ANO4: variants seen among roughly 807,000 people sequenced by gnomAD.
The protein encoded by ANO4 is anoctamin-4.
ANO4 carries 69 observed loss-of-function variants against 141.9 expected under a neutral mutation model. The ratio of observed to expected loss-of-function variants is 0.49; its 90% CI spans 0.40 to 0.59. The LOEUF (loss-of-function observed/expected upper bound fraction) is 0.59, where lower values mean the gene tolerates loss of function less well. ANO4 is among the 20% of genes least tolerant of loss of function. ANO4 has a pLI of 0.00. For synonymous variants in ANO4, 350 were observed against 394.3 expected, an observed-to-expected ratio of 0.89 and a Z score of 1.33; for missense variants, 894 against 1,162.2, an observed-to-expected ratio of 0.77 and a Z score of 3.36.
chr12:100,746,357 G>T (rs530272531), intron 3 of ANO4, among the ~76,000 whole-genome samples: 1 of 151,750 alleles, frequency 6.6e-6, no homozygotes, highest in Non-Finnish European at 1.5e-5. Context: ...GGAAATTGAG[G>T]CATAAGAATT....
chr12:100,963,506 CTGTGTGTGTGTGTGTA>C (rs1368795423), intron 5 of ANO4, among the ~76,000 whole-genome samples: 3 of 150,598 alleles, frequency 2.0e-5, no homozygotes, highest in Admixed American at 2.0e-4. Context: ...GTGTGTGTGT[CTGTGTGTGTGTGTGTA>C]TGTGTTGCAG....
rs1304702062 is a variant in ANO4, at chr12:101,083,816, A to G, written c.1534A>G (p.Met512Val). ...LIVSASGIFF[M>V]ICVVIAAVFG... ...CGTTTCTGCATCTGGAATATTTTTTATGGTTTGAAACTTTTAAAAAAATAT... is the reference window on the plus strand; with the variant it reads ...CGTTTCTGCATCTGGAATATTTTTTGTGGTTTGAAACTTTTAAAAAAATAT... Residue 512 changes from methionine to valine, a missense_variant and splice_region_variant, in exon 16 of 28, where the codon ATG (methionine) becomes GTG (valine). Physicochemically the swap from Met to Val is conservative, Grantham distance 21 (BLOSUM62 1). Transcript: ENST00000392977. 2 of 1,558,484 alleles carry G rather than the reference A, an allele frequency of 1.3e-6. No homozygotes were observed. The highest frequency in any genetic ancestry group is 1.7e-6 in the Non-Finnish European group (2 of 1,162,766).
At chr12:101,052,183 G>C (rs980848162) in intron 14 of ANO4, among the ~76,000 whole-genome samples, 3 of 152,126 alleles carry the variant, frequency 2.0e-5, no homozygotes, top group African/African-American at 7.2e-5. Context: ...CCTTGGCATT[G>C]GGTTAGGAAT....
At chr12:101,115,882 A>G (rs1286309454) in intron 24 of ANO4, among the ~76,000 whole-genome samples, 1 of 152,186 alleles carries the variant, frequency 6.6e-6, no homozygotes. Flanking sequence ...CCTACACTGC[A>G]CAAGACTGTC....
intron 1 of ANO4, among the ~76,000 whole-genome samples, chr12:100,866,266 T>C (rs1368139466): frequency 6.6e-6 from 1 of 152,186 alleles, no homozygotes; most frequent in Non-Finnish European, 1.5e-5. Flanking sequence ...ACTTTAATCA[T>C]ACTGCCTCTT....
chr12:101,090,244 C>T (rs1367768544), intron 17 of ANO4, among the ~76,000 whole-genome samples: 2 of 152,228 alleles, frequency 1.3e-5, no homozygotes, highest in Non-Finnish European at 2.9e-5. Flanking sequence ...CATCCCATTA[C>T]TGGGCATATA....
intron 1 of ANO4, among the ~76,000 whole-genome samples, chr12:100,806,524 GTTTTTTTTTTTTTTTT>G (rs763949654): frequency 6.3e-4 from 38 of 59,874 alleles, no homozygotes; most frequent in African/African-American, 1.7e-3. Context: ...TTTTTGTTTC[GTTTTTTTTTTTTTTTT>G]TTTTTTTTTT....
At chr12:100,779,995 C>A (rs974485972) in intron 3 of ANO4, among the ~76,000 whole-genome samples, 1 of 151,970 alleles carries the variant, frequency 6.6e-6, no homozygotes, top group Admixed American at 6.5e-5. Context: ...TTTCTTAAAG[C>A]TTTTAACTTA....
At chr12:100,735,903 A>G (rs894124726) in intron 2 of ANO4, among the ~76,000 whole-genome samples, 6 of 152,196 alleles carry the variant, frequency 3.9e-5, no homozygotes, top group Non-Finnish European at 8.8e-5. Flanking sequence ...CTGCACAGAG[A>G]GTTCAGTCAA....
At chr12:101,084,576 AC>A (rs1303418260) in intron 16 of ANO4, among the ~76,000 whole-genome samples, 2 of 152,150 alleles carry the variant, frequency 1.3e-5, no homozygotes, top group Non-Finnish European at 2.9e-5. Flanking sequence ...GAAGGACAAG[AC>A]TATAGCAAAT....
chr12:100,916,210 C>T (rs2041333981), intron 2 of ANO4, among the ~76,000 whole-genome samples: 1 of 152,076 alleles, frequency 6.6e-6, no homozygotes, highest in Non-Finnish European at 1.5e-5. Flanking sequence ...AAAAGGGTAG[C>T]TATTGATTTT....
At chr12:101,106,392 G>T (rs2050441405) in intron 22 of ANO4, among the ~76,000 whole-genome samples, 1 of 151,804 alleles carries the variant, frequency 6.6e-6, no homozygotes, top group Admixed American at 6.6e-5. Context: ...ATATAAAACA[G>T]TTAAAAGTTG....
chr12:100,806,360 G>A (rs939817480), intron 1 of ANO4, among the ~76,000 whole-genome samples: 2 of 152,012 alleles, frequency 1.3e-5, no homozygotes, highest in Admixed American at 6.6e-5. Context: ...TTGCTAATCT[G>A]CTGGGTGAAA....
chr12:100,911,407 GC>G (rs1416091038), intron 2 of ANO4, among the ~76,000 whole-genome samples: 7 of 152,168 alleles, frequency 4.6e-5, no homozygotes, highest in African/African-American at 7.2e-5. Context: ...TAAATTAAAA[GC>G]CCTGCAGTAG....
intron 3 of ANO4, among the ~76,000 whole-genome samples, chr12:100,925,982 A>G (rs2041856070): frequency 6.6e-6 from 1 of 151,852 alleles, no homozygotes; most frequent in African/African-American, 2.4e-5. Context: ...TTCCCAAAGT[A>G]TCTCTTTTCA....
intron 5 of ANO4, among the ~76,000 whole-genome samples, chr12:100,953,997 G>A (rs976441756): frequency 9.2e-5 from 14 of 152,122 alleles, no homozygotes; most frequent in African/African-American, 3.4e-4. Context: ...TTGGGATTTT[G>A]GAGAGGCCCG....
At chr12:100,781,866 G>A (rs1464596249) in intron 3 of ANO4, among the ~76,000 whole-genome samples, 1 of 152,198 alleles carries the variant, frequency 6.6e-6, no homozygotes, top group African/African-American at 2.4e-5. Context: ...CTTCTTATCA[G>A]CATGAGATAA....
chr12:100,932,228 T>A (rs116099996), intron 3 of ANO4, among the ~76,000 whole-genome samples: 2,687 of 152,222 alleles, frequency 0.018, 86 homozygotes, highest in African/African-American at 0.061. Flanking sequence ...TTCTATACTG[T>A]AATATCAAGG....
In ANO4 at chr12:101,020,139, T is replaced by C. The variant is rs17030913; in HGVS notation, c.840T>C (p.Ile280=). Residue 280 remains isoleucine (I), a splice_region_variant and synonymous_variant, in exon 9 of 28, where the codon ATT becomes ATC. Transcript: ENST00000392977. ...AATATGAAGAAGGAAAAAACAAGAT[T>C]GGTAAGTAGTATGTTAGTATAACAA... ...RIKYEEGKNK[I]GLNRLLTNGS... 2.7e-3 allele frequency: 4,271 copies of C among 1,585,918 alleles called. 107 individuals are homozygous for C. The African/African-American group carries it at 0.052, about 19-fold the overall frequency.
Sources: gnomAD v4.1 joint callset for allele counts (sites outside exome capture counted in the v4.1 genomes callset) on GRCh38, gnomAD v4.1.1 for gene constraint, MANE v1.5 for transcripts, NCBI Gene and HGNC (gene_info 2026-07-23, HGNC 2026-07-21) for gene names.